Variants in COL4A2 observed in about 807,000 individuals in gnomAD.
COL4A2 encodes collagen alpha-2(IV) chain.
In COL4A2, 99 loss-of-function variants were observed where a neutral mutation model predicts 200.2. That is an observed-to-expected ratio of 0.49 (90% confidence interval 0.42 to 0.58). COL4A2 has a LOEUF of 0.58. COL4A2 is among the 20% of genes least tolerant of loss of function. The pLI is 0.00. For missense variants in COL4A2, 1,950 were observed against 2,314.1 expected, an observed-to-expected ratio of 0.84 and a Z score of 3.23; for synonymous variants, 897 against 900.6, an observed-to-expected ratio of 1.00 and a Z score of 0.07.
rs1049906 is a variant in COL4A2 at position 110,512,732 on chromosome 13, C to T, written c.*541C>T. On this transcript the variant is annotated 3_prime_UTR_variant, in exon 48 of 48. Coordinates refer to ENST00000360467, the MANE Select transcript of COL4A2 (RefSeq NM_001846.4). ...ATGTGAATTATTTTAAAGGCAAAACCGTGCTCTTTATTTTAAAAAACACTG... is the reference window on the plus strand; with the variant it reads ...ATGTGAATTATTTTAAAGGCAAAACTGTGCTCTTTATTTTAAAAAACACTG... The T allele has an allele frequency of 0.43, 67,392 of 155,600 alleles. 15,055 individuals carry two copies. The highest frequency in any genetic ancestry group is 0.75 in the East Asian group (3,903 of 5,194). The allele number at this position is 155,600 out of a possible 1,614,324, so 9.6% of individuals were successfully genotyped here. A position where few individuals can be genotyped will look rare whatever the true frequency, so the allele number is the denominator to read the frequency against.
chr13:110,489,745 A>G lies in COL4A2; in HGVS notation c.3306A>G (p.Arg1102=), dbSNP rs1165761461. The stretch of plus-strand genomic sequence containing the variant: ...GGGACACTATAAATTTACCAGGAAG[A>G]CCAGGCCTGAAGGGGGAGCGGGGCA... The part of the protein sequence containing the change: ...DIGDTINLPG[R]PGLKGERGTT... Residue 1102 remains arginine, a synonymous_variant, in exon 36 of 48, where the codon AGA becomes AGG. Coordinates refer to ENST00000360467, the MANE Select transcript of COL4A2 (RefSeq NM_001846.4). The G allele has an allele frequency of 1.2e-6, 2 of 1,613,944 alleles. No homozygotes were observed. The highest frequency in any genetic ancestry group is 1.1e-5 in the South Asian group (1 of 90,966).
At chr13:110,356,134 T>C (rs1041136858) in intron 3 of COL4A2, among the ~76,000 whole-genome samples, 2 of 152,166 alleles carry the variant, frequency 1.3e-5, no homozygotes, top group Non-Finnish European at 2.9e-5. Context: ...AATGTTGAGA[T>C]CAAGGATGAG....
intron 4 of COL4A2, among the ~76,000 whole-genome samples, chr13:110,396,616 C>G (rs1879190930): frequency 6.6e-6 from 1 of 152,176 alleles, no homozygotes. Flanking sequence ...CATGAGACAT[C>G]TCACCACGCC....
rs375669440 is a variant in COL4A2, at chr13:110,392,698, G to T, written c.181-32036G>T. Among the ~76,000 whole-genome samples the T allele has an allele frequency of 1.8e-4, 27 of 152,174 alleles. No homozygotes were observed. The East Asian group carries it at 5.0e-3, about 28-fold the overall frequency. On this transcript the variant is annotated intron_variant, in intron 4 of 47. Coordinates refer to ENST00000360467, the MANE Select transcript of COL4A2 (RefSeq NM_001846.4). The stretch of plus-strand genomic sequence containing the variant: ...ATCCCTTGCTTTAAAATCCTCTCCC[G>T]ACCCTTATCTAACTGTGGTCAAGAA...
intron 4 of COL4A2, among the ~76,000 whole-genome samples, chr13:110,408,825 G>GCA (rs368878594): frequency 0.74 from 93,446 of 125,434 alleles, 34,860 homozygotes; most frequent in East Asian, 0.92. Flanking sequence ...ACACACACAT[G>GCA]CACACACACA....
intron 4 of COL4A2, among the ~76,000 whole-genome samples, chr13:110,388,853 G>A (rs76446482): frequency 2.0e-5 from 3 of 152,104 alleles, no homozygotes; most frequent in African/African-American, 4.8e-5. Flanking sequence ...CAGATTCCTC[G>A]TGTGATCCCA....
At chr13:110,308,433 C>T (rs1378746726) in intron 3 of COL4A2, among the ~76,000 whole-genome samples, 3 of 152,110 alleles carry the variant, frequency 2.0e-5, no homozygotes, top group Admixed American at 2.0e-4. Flanking sequence ...GCCGTAGAGG[C>T]CAGGAAAGTG....
chr13:110,324,353 CTG>C (rs1250355314), intron 3 of COL4A2, among the ~76,000 whole-genome samples: 1 of 152,208 alleles, frequency 6.6e-6, no homozygotes, highest in Non-Finnish European at 1.5e-5. Flanking sequence ...TGGGCGATAA[CTG>C]GACTCGCTCC....
At chr13:110,342,607 C>A (rs1445617813) in intron 3 of COL4A2, among the ~76,000 whole-genome samples, 1 of 152,174 alleles carries the variant, frequency 6.6e-6, no homozygotes, top group Admixed American at 6.5e-5. Context: ...TAACGGCAAC[C>A]CCAGGAGGCA....
At chr13:110,337,112 G>A (rs184114543) in intron 3 of COL4A2, among the ~76,000 whole-genome samples, 3 of 152,336 alleles carry the variant, frequency 2.0e-5, no homozygotes, top group East Asian at 3.9e-4. Flanking sequence ...TTTTGTACAC[G>A]TAGGACGTAT....
At chr13:110,495,302 G>A in intron 39 of COL4A2, 40 bp from the exon 40 acceptor site, 1 of 1,613,418 alleles carries the variant, frequency 6.2e-7, no homozygotes, top group South Asian at 1.1e-5. Context: ...CTGTATGGTT[G>A]GAAACACCGA....
chr13:110,355,782 GGAGGGCTGTACAGCTCACCTGTGTGAGT>G (rs1401824125), intron 3 of COL4A2, among the ~76,000 whole-genome samples: 35 of 52,870 alleles, frequency 6.6e-4, no homozygotes, highest in South Asian at 1.1e-3. Flanking sequence ...GTGTGGGGGT[GGAGGGCTGTACAGCTCACCTGTGTGAGT>G]GGGGAGGGCT....
At chr13:110,336,141 C>T (rs1566479666) in intron 3 of COL4A2, among the ~76,000 whole-genome samples, 1 of 152,142 alleles carries the variant, frequency 6.6e-6, no homozygotes, top group Non-Finnish European at 1.5e-5. Flanking sequence ...CTATTTTGAA[C>T]TATTTTCTCC....
rs1050577572 is a variant in COL4A2, at chr13:110,489,526, A to G, written c.3271+18A>G. 1.4e-5 allele frequency: 22 copies of G among 1,613,976 alleles called. No individual in the cohort carries two copies. The African/African-American group carries it at 2.7e-4, about 20-fold the overall frequency. The stretch of plus-strand genomic sequence containing the variant: ...TGATTTCGGTGAGTGTTGCCCGTCC[A>G]GTGAAAACAGGGAGTCCACAATTCA... On this transcript the variant is annotated intron_variant, in intron 35 of 47. Transcript: ENST00000360467.
intron 3 of COL4A2, among the ~76,000 whole-genome samples, chr13:110,349,338 C>T (rs1014762501): frequency 3.9e-5 from 6 of 152,160 alleles, no homozygotes; most frequent in Admixed American, 6.5e-5. Context: ...CCCTTTTCCC[C>T]GGTGGCAAAG....
chr13:110,338,593 G>C (rs1876313369), intron 3 of COL4A2, among the ~76,000 whole-genome samples: 1 of 152,180 alleles, frequency 6.6e-6, no homozygotes, highest in Non-Finnish European at 1.5e-5. Flanking sequence ...AGCTAAACCT[G>C]GGACCCCAGG....
At position 110,456,713 on chromosome 13, in the gene COL4A2, G is replaced by A. The variant is rs568697567; in HGVS notation, c.1340-630G>A. 1.1e-4 allele frequency: 53 copies of A among 470,362 alleles called. 1 individual carries two copies. Among genetic ancestry groups the A allele is most frequent in the South Asian group, 4.7e-4 (30 of 64,464 alleles). 29.1% of individuals were successfully genotyped at this position (470,362 alleles called of 1,614,324 possible). ...CCCTGGGCTGGGTGGGACACCAGGC[G>A]TCTCTGTGGTGCCCATGCCCTGTGT... On this transcript the variant is annotated intron_variant, in intron 20 of 47. Transcript: ENST00000360467.
chr13:110,357,892 G>A (rs1877353539), intron 4 of COL4A2, among the ~76,000 whole-genome samples: 1 of 152,224 alleles, frequency 6.6e-6, no homozygotes, highest in Non-Finnish European at 1.5e-5. Context: ...GCGGGACTTG[G>A]AAGTTGCTCT....
At chr13:110,405,580 TG>T (rs1298291282) in intron 4 of COL4A2, among the ~76,000 whole-genome samples, 2 of 152,238 alleles carry the variant, frequency 1.3e-5, no homozygotes, top group Non-Finnish European at 2.9e-5. Context: ...CTGGAGGACA[TG>T]AATGGCCCCG....
Sources: allele counts gnomAD v4.1 joint callset (sites outside exome capture counted in the v4.1 genomes callset), GRCh38; gene constraint gnomAD v4.1.1; transcripts MANE v1.5; gene names NCBI Gene and HGNC (gene_info 2026-07-23, HGNC 2026-07-21).